The following ZNF536 variants were observed in gnomAD, a reference collection of about 807,000 sequenced individuals.
ZNF536 encodes zinc finger protein 536.
Under a neutral mutation model 84.5 loss-of-function variants are expected in ZNF536, and 13 were observed. The observed-to-expected ratio is 0.15, with a 90% CI of 0.10 to 0.24. ZNF536 has a LOEUF of 0.24. Among genes scored for constraint, ZNF536 ranks in the 10% least tolerant of loss-of-function variants. ZNF536 has a pLI of 1.00. For synonymous variants in ZNF536, 811 were observed against 742.5 expected (o/e 1.09, Z -1.50); for missense variants, 1,536 against 1,747.5 (o/e 0.88, Z 2.16).
At chr19:30,491,546 G>C (rs533013921) in intron 2 of ZNF536, among the ~76,000 whole-genome samples, 1 of 152,272 alleles carries the variant, frequency 6.6e-6, no homozygotes, top group South Asian at 2.1e-4. Context: ...CACTTCATCT[G>C]TGTCCCCTGC....
chr19:30,453,397 AT>A (rs1447772536), intron 2 of ZNF536, among the ~76,000 whole-genome samples: 2 of 152,016 alleles, frequency 1.3e-5, no homozygotes, highest in Non-Finnish European at 2.9e-5. Context: ...CTAGGGCTGT[AT>A]TTTCCATCTA....
chr19:30,544,702 T>C (rs1220363067), intron 3 of ZNF536, among the ~76,000 whole-genome samples: 4 of 152,140 alleles, frequency 2.6e-5, no homozygotes. Flanking sequence ...GTTCACTCCA[T>C]CAAAAAAATG....
intron 1 of ZNF536, among the ~76,000 whole-genome samples, chr19:30,597,937 T>G (rs925485424): frequency 6.6e-6 from 1 of 152,248 alleles, no homozygotes; most frequent in African/African-American, 2.4e-5. Context: ...TATTGTTGTA[T>G]GCATATAGTT....
intron 1 of ZNF536, among the ~76,000 whole-genome samples, chr19:30,660,738 T>C (rs1312639540): frequency 6.6e-6 from 1 of 152,226 alleles, no homozygotes; most frequent in East Asian, 1.9e-4. Flanking sequence ...CCATATGGCC[T>C]GAGTATTGGA....
At chr19:30,246,818 G>C (rs773851589) in intron 1 of ZNF536, among the ~76,000 whole-genome samples, 1 of 152,160 alleles carries the variant, frequency 6.6e-6, no homozygotes. Context: ...TAAAAAAGTC[G>C]ACTCATTATT....
intron 1 of ZNF536, among the ~76,000 whole-genome samples, chr19:30,636,166 T>G (rs774405442): frequency 6.6e-6 from 1 of 152,206 alleles, no homozygotes; most frequent in Non-Finnish European, 1.5e-5. Flanking sequence ...TGAGACATGG[T>G]GACCACCTAA....
intron 1 of ZNF536, among the ~76,000 whole-genome samples, chr19:30,635,067 G>GGGGGGT (rs1555821106): frequency 1.9e-4 from 29 of 150,174 alleles, no homozygotes; most frequent in South Asian, 4.2e-4. Flanking sequence ...AAGAAAGCTG[G>GGGGGGT]GTGTGTGTGT....
chr19:30,577,990 C>A (rs1312129642), intron 1 of ZNF536, among the ~76,000 whole-genome samples: 1 of 152,120 alleles, frequency 6.6e-6, no homozygotes, highest in African/African-American at 2.4e-5. Flanking sequence ...GATATGGTTA[C>A]ATATTAGTTT....
chr19:30,484,825 T>C (rs1355396745), intron 2 of ZNF536, among the ~76,000 whole-genome samples: 1 of 152,012 alleles, frequency 6.6e-6, no homozygotes, highest in Non-Finnish European at 1.5e-5. Flanking sequence ...CTTTGTAAAG[T>C]GCTATAAGCT....
At chr19:30,301,756 G>A (rs922262897) in intron 2 of ZNF536, among the ~76,000 whole-genome samples, 3 of 151,918 alleles carry the variant, frequency 2.0e-5, no homozygotes, top group African/African-American at 7.3e-5. Context: ...CATTTGGATT[G>A]ACAACTATTA....
intron 2 of ZNF536, among the ~76,000 whole-genome samples, chr19:30,466,601 A>AGAGT: frequency 6.6e-6 from 1 of 151,620 alleles, no homozygotes; most frequent in African/African-American, 2.4e-5. Context: ...AGAGAGAGAG[A>AGAGT]GAAAGAAAAG....
rs534658484 is a variant in ZNF536 at position 30,286,580 on chromosome 19, C to T, written c.-120+2439C>T. 1.2e-4 allele frequency among the ~76,000 whole-genome samples: 18 copies of T among 148,004 alleles called. No individual in the cohort carries two copies. In the East Asian group the frequency reaches 1.6e-3, roughly 13 times the overall value. The stretch of plus-strand genomic sequence containing the variant: ...AGACCGAGAGAGACAGAAAGACAGA[C>T]AGAGAGAGAAAGAGAGAGAGAAGGA... On this transcript the variant is annotated intron_variant, in intron 2 of 5. Transcript: ENST00000585628.
At chr19:30,350,716 G>T (rs1273036733) in intron 2 of ZNF536, among the ~76,000 whole-genome samples, 1 of 152,182 alleles carries the variant, frequency 6.6e-6, no homozygotes, top group African/African-American at 2.4e-5. Flanking sequence ...AAATTTAAGT[G>T]TTAATTTTTA....
chr19:30,391,791 C>T (rs1175013326), intron 1 of ZNF536, among the ~76,000 whole-genome samples: 1 of 152,124 alleles, frequency 6.6e-6, no homozygotes, highest in East Asian at 1.9e-4. Context: ...CTAAACTTTC[C>T]CTTGTTCTGA....
downstream of ZNF536, among the ~76,000 whole-genome samples, chr19:30,560,855 G>A (rs559263570): frequency 9.2e-5 from 14 of 152,304 alleles, no homozygotes; most frequent in African/African-American, 2.9e-4. Context: ...TCCCCAAATC[G>A]GCAGCAGTGC....
At chr19:30,584,411 T>C (rs567573788) in intron 1 of ZNF536, among the ~76,000 whole-genome samples, 2 of 152,326 alleles carry the variant, frequency 1.3e-5, no homozygotes, top group South Asian at 4.1e-4. Context: ...CTGGGTGTAG[T>C]GGAAAGTGTG....
chr19:30,375,993 G>T (rs1003628321), intron 1 of ZNF536, among the ~76,000 whole-genome samples: 1 of 152,190 alleles, frequency 6.6e-6, no homozygotes, highest in Non-Finnish European at 1.5e-5. Flanking sequence ...TGAGAGCCAT[G>T]TGTATATCTG....
At chr19:30,308,233 T>C in intron 2 of ZNF536, among the ~76,000 whole-genome samples, 1 of 152,138 alleles carries the variant, frequency 6.6e-6, no homozygotes, top group Admixed American at 6.5e-5. Flanking sequence ...CATTGTGAGC[T>C]TGGTGCATAA....
chr19:30,246,819 A>G (rs966114251), intron 1 of ZNF536, among the ~76,000 whole-genome samples: 16 of 152,098 alleles, frequency 1.1e-4, no homozygotes, highest in Non-Finnish European at 1.8e-4. Flanking sequence ...AAAAAAGTCG[A>G]CTCATTATTA....
Sources: gnomAD v4.1 joint callset for allele counts (sites outside exome capture counted in the v4.1 genomes callset) on GRCh38, gnomAD v4.1.1 for gene constraint, MANE v1.5 for transcripts, NCBI Gene and HGNC (gene_info 2026-07-23, HGNC 2026-07-21) for gene names.